The following MTCL2 variants were observed in gnomAD, a reference collection of about 807,000 sequenced individuals.
MTCL2 encodes microtubule crosslinking factor 2.
the MTCL2 span, among the ~76,000 whole-genome samples, chr20:36,789,202 C>T: frequency 6.6e-6 from 1 of 152,194 alleles, no homozygotes; most frequent in Non-Finnish European, 1.5e-5. Context: ...TTAAAATCAA[C>T]ATTCAAAATC....
At chr20:36,816,130 C>T in the MTCL2 span, 2 of 1,613,688 alleles carry the variant, frequency 1.2e-6, no homozygotes, top group Non-Finnish European at 1.7e-6. Flanking sequence ...GAGTGGGGGG[C>T]ATCGGCCAGC....
At chr20:36,779,381 A>C in the MTCL2 span, 1 of 152,612 alleles carries the variant, frequency 6.6e-6, no homozygotes, top group Admixed American at 6.5e-5. Context: ...CACCTGCTTT[A>C]CAGTCAAGGC....
the MTCL2 span, among the ~76,000 whole-genome samples, chr20:36,832,120 G>T: frequency 6.6e-6 from 1 of 152,342 alleles, no homozygotes; most frequent in Non-Finnish European, 1.5e-5. Context: ...AAATCCAAGG[G>T]TCCAACAAGT....
At chr20:36,817,374 T>A in the MTCL2 span, 1 of 1,550,394 alleles carries the variant, frequency 6.4e-7, no homozygotes, top group African/African-American at 1.4e-5. Context: ...GTCTTCAGAA[T>A]AAAACCTTCC....
the MTCL2 span, among the ~76,000 whole-genome samples, chr20:36,833,145 A>G: frequency 2.6e-5 from 4 of 152,226 alleles, no homozygotes; most frequent in African/African-American, 4.8e-5. Context: ...GGTCAACTCT[A>G]AAGTCTCACT....
chr20:36,833,737 G>A, the MTCL2 span, among the ~76,000 whole-genome samples: 1 of 152,228 alleles, frequency 6.6e-6, no homozygotes, highest in African/African-American at 2.4e-5. Context: ...TGCAGTATCA[G>A]CTACTCAGGA....
At chr20:36,861,599 T>C in the MTCL2 span, among the ~76,000 whole-genome samples, 3 of 152,162 alleles carry the variant, frequency 2.0e-5, no homozygotes. Context: ...TGCTGTGAGC[T>C]CCACAGCCAG....
At chr20:36,853,871 G>C in the MTCL2 span, among the ~76,000 whole-genome samples, 1 of 152,194 alleles carries the variant, frequency 6.6e-6, no homozygotes, top group Non-Finnish European at 1.5e-5. Flanking sequence ...GGCCTCTGGG[G>C]CATTCGTGTC....
chr20:36,784,242 A>G, the MTCL2 span: 74 of 985,928 alleles, frequency 7.5e-5, no homozygotes, highest in Admixed American at 6.1e-4. Context: ...GGGTGAGAGC[A>G]GCAGCATCCA....
the MTCL2 span, chr20:36,793,615 G>C: frequency 6.4e-7 from 1 of 1,551,514 alleles, no homozygotes; most frequent in Non-Finnish European, 8.7e-7. The surrounding 1 kb of genome is among the most constrained non-coding windows in gnomAD (Gnocchi z 6.8). Flanking sequence ...AGAGTCCATC[G>C]TTGATGTTTC....
chr20:36,792,065 T>TGATGGGGTGGAGAAGTG, the MTCL2 span, among the ~76,000 whole-genome samples: 4 of 152,258 alleles, frequency 2.6e-5, no homozygotes, highest in South Asian at 8.3e-4. Context: ...TGTGAAGTCT[T>TGATGGGGTGGAGAAGTG]GATGGGGTGG....
At chr20:36,807,865 CTTTTTTTTTTTT>C in the MTCL2 span, among the ~76,000 whole-genome samples, 10 of 53,508 alleles carry the variant, frequency 1.9e-4, no homozygotes, top group African/African-American at 4.3e-4. Flanking sequence ...GAAACCCTGT[CTTTTTTTTTTTT>C]TTTTTTTTTT....
chr20:36,833,855 A>G, the MTCL2 span, among the ~76,000 whole-genome samples: 3 of 149,760 alleles, frequency 2.0e-5, no homozygotes, highest in Non-Finnish European at 4.4e-5. Context: ...ATGTTTCAAG[A>G]AAGAAAGAAA....
At chr20:36,793,557 A>T in the MTCL2 span, 1 of 1,551,684 alleles carries the variant, frequency 6.4e-7, no homozygotes, top group Admixed American at 2.0e-5. The surrounding 1 kb of genome is among the most constrained non-coding windows in gnomAD (Gnocchi z 6.8). Context: ...CCTAGTTTCC[A>T]GACAGACTCC....
the MTCL2 span, among the ~76,000 whole-genome samples, chr20:36,796,469 G>A: frequency 2.0e-5 from 3 of 152,186 alleles, no homozygotes; most frequent in Non-Finnish European, 4.4e-5. Flanking sequence ...TGGGGTGGGG[G>A]TCTCCTTGGC....
chr20:36,785,900 A>C, the MTCL2 span: 1 of 985,918 alleles, frequency 1.0e-6, no homozygotes, highest in Non-Finnish European at 1.2e-6. Flanking sequence ...GCCCTATCAT[A>C]CTCCCTAGTG....
the MTCL2 span, among the ~76,000 whole-genome samples, chr20:36,817,716 C>G: frequency 6.6e-6 from 1 of 152,206 alleles, no homozygotes. Context: ...AGGGCTCCTC[C>G]CCTCCAGCCT....
At chr20:36,834,119 C>T in the MTCL2 span, among the ~76,000 whole-genome samples, 214 of 148,296 alleles carry the variant, frequency 1.4e-3, no homozygotes, top group Non-Finnish European at 2.5e-3. Flanking sequence ...GCAGCGATCA[C>T]GCTACTGTAC....
the MTCL2 span, among the ~76,000 whole-genome samples, chr20:36,837,639 G>A: frequency 4.6e-5 from 7 of 151,166 alleles, no homozygotes; most frequent in African/African-American, 7.3e-5. Context: ...GTGCAGTGGC[G>A]CGATCTCAGC....
Sources: gnomAD v4.1 joint callset for allele counts (sites outside exome capture counted in the v4.1 genomes callset) on GRCh38, gnomAD v4.1.1 for gene constraint, Gnocchi (gnomAD v3.1) non-coding constraint, MANE v1.5 for transcripts, NCBI Gene and HGNC (gene_info 2026-07-23, HGNC 2026-07-21) for gene names.